Variants in POU6F2 observed in about 807,000 individuals in gnomAD.
The protein encoded by POU6F2 is POU class 6 homeobox 2, also known as POU domain, class 6, transcription factor 2.
POU6F2 carries 31 observed loss-of-function variants against 71.3 expected under a neutral mutation model. That is an observed-to-expected ratio of 0.43 (90% CI 0.33 to 0.59). The LOEUF is 0.59. Ranked by LOEUF, POU6F2 falls within the 20% of genes least tolerant of loss-of-function variation. POU6F2 has a pLI of 0.04. For missense variants in POU6F2, 783 were observed against 856.8 expected (o/e 0.91, Z 1.07); for synonymous variants, 347 against 355.7 (o/e 0.98, Z 0.27).
intron 4 of POU6F2, among the ~76,000 whole-genome samples, chr7:39,257,068 G>A (rs993203649): frequency 2.3e-4 from 35 of 152,100 alleles, no homozygotes; most frequent in Non-Finnish European, 1.9e-4. Context: ...AGGAACTCCC[G>A]TCAACCCTCT....
chr7:39,367,099 A>T (rs2115736409), intron 5 of POU6F2, among the ~76,000 whole-genome samples: 3 of 152,290 alleles, frequency 2.0e-5, no homozygotes, highest in Admixed American at 2.0e-4. Context: ...CTTTTCACCC[A>T]TGGCAAACAC....
chr7:39,267,230 A>G (rs543170816), intron 4 of POU6F2, among the ~76,000 whole-genome samples: 3 of 152,318 alleles, frequency 2.0e-5, no homozygotes, highest in Non-Finnish European at 4.4e-5. Flanking sequence ...ACACACACAC[A>G]GACGCCCATA....
At chr7:39,174,399 G>A (rs1037366351) in intron 2 of POU6F2, among the ~76,000 whole-genome samples, 3 of 152,084 alleles carry the variant, frequency 2.0e-5, no homozygotes, top group Admixed American at 6.6e-5. Flanking sequence ...TATATTGTGG[G>A]TGTGATCAGG....
chr7:39,175,007 A>G (rs1793301224), intron 2 of POU6F2, among the ~76,000 whole-genome samples: 2 of 151,652 alleles, frequency 1.3e-5, no homozygotes, highest in South Asian at 4.2e-4. Flanking sequence ...GCTGTTGTCT[A>G]TTCCCTCCAT....
Position 39,439,183 on chromosome 7 carries a change from G to GT in POU6F2, c.1320+5900_1320+5901insT, listed in dbSNP as rs1412273661. Among the ~76,000 whole-genome samples, 8 of 130,300 alleles carry GT rather than the reference G, an allele frequency of 6.1e-5. No homozygotes were observed. In the East Asian group the frequency reaches 1.8e-3, roughly 29 times the overall value. 85.5% of individuals were successfully genotyped at this position (130,300 alleles called of 152,430 possible). The stretch of plus-strand genomic sequence containing the variant: ...ATCAGAGACTAGGATTGCAACCCCT[G>GT]GTTTTTTTTTTGCTTTCCATTTGCT... On this transcript the variant is annotated intron_variant, in intron 7 of 9. Coordinates refer to ENST00000518318, the MANE Select transcript of POU6F2 (RefSeq NM_001370959.1).
chr7:39,120,695 T>A (rs778323660), intron 2 of POU6F2: 11 of 152,354 alleles, frequency 7.2e-5, no homozygotes, highest in South Asian at 2.1e-4. Context: ...ATTTATTTTT[T>A]AAAATGAAAT....
chr7:39,133,493 G>A (rs1792330374), intron 2 of POU6F2, among the ~76,000 whole-genome samples: 1 of 152,210 alleles, frequency 6.6e-6, no homozygotes, highest in Non-Finnish European at 1.5e-5. Flanking sequence ...AAATGATTAT[G>A]GGTTCGTTGG....
chr7:39,358,685 G>A (rs1256083915), intron 5 of POU6F2, among the ~76,000 whole-genome samples: 1 of 152,058 alleles, frequency 6.6e-6, no homozygotes, highest in African/African-American at 2.4e-5. Context: ...TGAGAAACTG[G>A]GGTTTTTAAC....
intron 1 of POU6F2, among the ~76,000 whole-genome samples, chr7:39,083,961 A>G (rs1425456026): frequency 6.6e-6 from 1 of 152,144 alleles, no homozygotes. Flanking sequence ...GGGGAATGTG[A>G]TGAAAGATGA....
At chr7:39,095,650 G>T (rs1791440796) in intron 2 of POU6F2, among the ~76,000 whole-genome samples, 1 of 152,150 alleles carries the variant, frequency 6.6e-6, no homozygotes. Context: ...GATCTTGAAA[G>T]CTTTCACAAA....
intron 2 of POU6F2, among the ~76,000 whole-genome samples, chr7:39,133,786 T>G (rs972974345): frequency 2.6e-4 from 40 of 152,234 alleles, no homozygotes; most frequent in Non-Finnish European, 4.4e-4. Context: ...TAGACCACAA[T>G]GTACAGCCTG....
rs188637890 is a variant in POU6F2, at chr7:39,391,206, C to T, written c.973-15394C>T. On this transcript the variant is annotated intron_variant, in intron 5 of 9. Coordinates refer to ENST00000518318, the MANE Select transcript of POU6F2 (RefSeq NM_001370959.1). ...TTTTCTTGAAACCTCTGATGACTATCTTGGTCAATTTGTCCAAGTTCTTAA... is the reference window on the plus strand; with the variant it reads ...TTTTCTTGAAACCTCTGATGACTATTTTGGTCAATTTGTCCAAGTTCTTAA... 4.6e-5 allele frequency among the ~76,000 whole-genome samples: 7 copies of T among 152,170 alleles called. No individual in the cohort carries two copies. The South Asian group carries it at 1.5e-3, about 32-fold the overall frequency.
intron 1 of POU6F2, among the ~76,000 whole-genome samples, chr7:38,996,002 A>G (rs1788724769): frequency 6.9e-6 from 1 of 144,560 alleles, no homozygotes; most frequent in African/African-American, 2.6e-5. Context: ...ATTGCTGGTC[A>G]TGCTTCTTGA....
intron 4 of POU6F2, among the ~76,000 whole-genome samples, chr7:39,254,429 A>G (rs1783980031): frequency 6.6e-6 from 1 of 152,092 alleles, no homozygotes; most frequent in South Asian, 2.1e-4. Flanking sequence ...GCAGAGGTTC[A>G]CTTAAGCTGC....
At chr7:39,271,385 G>A (rs903495080) in intron 4 of POU6F2, among the ~76,000 whole-genome samples, 1 of 151,562 alleles carries the variant, frequency 6.6e-6, no homozygotes, top group Admixed American at 6.6e-5. Context: ...GAAAAAGTTT[G>A]CTGACATGGA....
At chr7:39,094,046 T>G (rs971425928) in intron 2 of POU6F2, among the ~76,000 whole-genome samples, 2 of 152,134 alleles carry the variant, frequency 1.3e-5, no homozygotes, top group Non-Finnish European at 2.9e-5. Context: ...AATGTACTTC[T>G]CCTGTATATT....
intron 5 of POU6F2, among the ~76,000 whole-genome samples, chr7:39,379,912 T>G (rs1291928775): frequency 6.6e-6 from 1 of 152,192 alleles, no homozygotes; most frequent in Non-Finnish European, 1.5e-5. Flanking sequence ...AAGAGGGCAT[T>G]TATAGAACCT....
At chr7:39,152,901 TTTA>T (rs1792790863) in intron 2 of POU6F2, among the ~76,000 whole-genome samples, 2 of 152,300 alleles carry the variant, frequency 1.3e-5, no homozygotes, top group African/African-American at 4.8e-5. Context: ...TAGTGCTGCC[TTTA>T]TATATAGTTA....
At chr7:39,023,893 C>T (rs1789736236) in intron 1 of POU6F2, among the ~76,000 whole-genome samples, 1 of 152,046 alleles carries the variant, frequency 6.6e-6, no homozygotes, top group African/African-American at 2.4e-5. Context: ...GCCAGGATTC[C>T]TGTTTAGGTC....
Sources: allele counts gnomAD v4.1 joint callset (sites outside exome capture counted in the v4.1 genomes callset), GRCh38; gene constraint gnomAD v4.1.1; transcripts MANE v1.5; gene names NCBI Gene and HGNC (gene_info 2026-07-23, HGNC 2026-07-21).